DLG2: variants seen among roughly 807,000 people sequenced by gnomAD.
DLG2 encodes disks large homolog 2.
In DLG2, 45 loss-of-function variants were observed where a neutral mutation model predicts 132.5. The ratio of observed to expected loss-of-function variants is 0.34; its 90% CI spans 0.27 to 0.44. The LOEUF is 0.44. Among genes scored for constraint, DLG2 ranks in the 20% least tolerant of loss-of-function variants. DLG2 has a pLI of 1.00. For synonymous variants in DLG2, 424 were observed against 419.6 expected, an observed-to-expected ratio of 1.01 and a Z score of -0.13; for missense variants, 1,045 against 1,196.9, an observed-to-expected ratio of 0.87 and a Z score of 1.87.
At chr11:85,064,691 T>C in intron 6 of DLG2, among the ~76,000 whole-genome samples, 1 of 151,698 alleles carries the variant, frequency 6.6e-6, no homozygotes. Flanking sequence ...TTTGAAGGTA[T>C]TTTTTACATA....
chr11:84,273,033 G>T, intron 7 of DLG2: 1 of 915,304 alleles, frequency 1.1e-6, no homozygotes, highest in Non-Finnish European at 1.5e-6. Context: ...GAACTACAGA[G>T]AAAATAACTA....
chr11:84,645,431 G>A (rs2099673512), intron 6 of DLG2, among the ~76,000 whole-genome samples: 1 of 152,054 alleles, frequency 6.6e-6, no homozygotes, highest in Admixed American at 6.6e-5. Flanking sequence ...TCGAACACAA[G>A]GATAAGCTAT....
At chr11:84,760,079 G>A (rs796287364) in intron 6 of DLG2, among the ~76,000 whole-genome samples, 88 of 152,240 alleles carry the variant, frequency 5.8e-4, no homozygotes, top group African/African-American at 2.0e-3. Context: ...TCCTAATGCA[G>A]CATTTTATAA....
intron 17 of DLG2, among the ~76,000 whole-genome samples, chr11:83,788,180 A>T (rs1211368694): frequency 6.6e-6 from 1 of 152,216 alleles, no homozygotes; most frequent in Non-Finnish European, 1.5e-5. Context: ...TTTGAGAATG[A>T]CATTGGGTGG....
chr11:84,902,758 T>G (rs1388439901), intron 6 of DLG2, among the ~76,000 whole-genome samples: 2 of 152,152 alleles, frequency 1.3e-5, no homozygotes, highest in African/African-American at 4.8e-5. Context: ...ACTCAACACG[T>G]GCAAACTGTT....
intron 3 of DLG2, among the ~76,000 whole-genome samples, chr11:85,407,678 C>T (rs575762696): frequency 6.6e-6 from 1 of 151,878 alleles, no homozygotes; most frequent in South Asian, 2.1e-4. Context: ...CCAACTACTG[C>T]AGTGGACAGC....
At chr11:84,699,651 C>T (rs1364544177) in intron 6 of DLG2, among the ~76,000 whole-genome samples, 1 of 151,498 alleles carries the variant, frequency 6.6e-6, no homozygotes, top group Non-Finnish European at 1.5e-5. Context: ...AAAAAACTTG[C>T]TTTCTAACTC....
At chr11:85,420,572 G>T (rs188509980) in intron 3 of DLG2, among the ~76,000 whole-genome samples, 1 of 152,298 alleles carries the variant, frequency 6.6e-6, no homozygotes, top group East Asian at 1.9e-4. Context: ...GGAGATGGGA[G>T]TTTTACCTAT....
intron 5 of DLG2, among the ~76,000 whole-genome samples, chr11:85,125,290 T>C (rs1483216323): frequency 6.6e-6 from 1 of 152,210 alleles, no homozygotes; most frequent in Non-Finnish European, 1.5e-5. Flanking sequence ...TGTGTTGTTT[T>C]TACTCACAGA....
At chr11:84,317,681 A>C (rs2098374867) in intron 7 of DLG2, among the ~76,000 whole-genome samples, 1 of 152,206 alleles carries the variant, frequency 6.6e-6, no homozygotes, top group Non-Finnish European at 1.5e-5. Context: ...GGGAAAGTTA[A>C]CCTGTAAAGG....
intron 7 of DLG2, among the ~76,000 whole-genome samples, chr11:84,402,657 C>T (rs1304659935): frequency 6.6e-6 from 1 of 151,774 alleles, no homozygotes; most frequent in Non-Finnish European, 1.5e-5. Context: ...CCGAGGCGGG[C>T]GGACCACGAG....
chr11:84,341,509 C>A (rs2098514538), intron 7 of DLG2, among the ~76,000 whole-genome samples: 1 of 152,122 alleles, frequency 6.6e-6, no homozygotes, highest in African/African-American at 2.4e-5. Context: ...TAAAAAATGG[C>A]ACTCCCTCCC....
At chr11:85,440,318 G>A (rs2091713256) in intron 3 of DLG2, among the ~76,000 whole-genome samples, 1 of 152,144 alleles carries the variant, frequency 6.6e-6, no homozygotes, top group African/African-American at 2.4e-5. Flanking sequence ...ATAGAACTAT[G>A]ATAAAGATTA....
chr11:85,179,660 G>C (rs533063566), intron 4 of DLG2, among the ~76,000 whole-genome samples: 2 of 151,842 alleles, frequency 1.3e-5, no homozygotes, highest in Non-Finnish European at 3.0e-5. Flanking sequence ...GGTACAAATG[G>C]GTGGGTGAAG....
At chr11:83,547,929 A>G (rs781488167) in intron 19 of DLG2, among the ~76,000 whole-genome samples, 4 of 152,184 alleles carry the variant, frequency 2.6e-5, no homozygotes, top group Non-Finnish European at 5.9e-5. Context: ...ACATGATAGA[A>G]GAAAACCTAG....
intron 3 of DLG2, among the ~76,000 whole-genome samples, chr11:85,294,752 C>A (rs376143455): frequency 2.0e-5 from 3 of 152,236 alleles, no homozygotes; most frequent in African/African-American, 7.2e-5. Flanking sequence ...GGAGTCACTT[C>A]TTCCATAAGA....
chr11:84,550,115 T>TAC (rs60598747), intron 6 of DLG2, among the ~76,000 whole-genome samples: 15,829 of 145,848 alleles, frequency 0.11, 913 homozygotes, highest in East Asian at 0.17. Flanking sequence ...AACGAGCCTA[T>TAC]ACACACACAC....
intron 2 of DLG2, among the ~76,000 whole-genome samples, chr11:85,599,273 C>T (rs1175433699): frequency 6.6e-6 from 1 of 152,106 alleles, no homozygotes; most frequent in East Asian, 1.9e-4. Flanking sequence ...CCTCTACACG[C>T]ATGCATGCGC....
chr11:83,660,337 CA>C (rs1299809910), intron 18 of DLG2, among the ~76,000 whole-genome samples: 3 of 152,194 alleles, frequency 2.0e-5, no homozygotes, highest in African/African-American at 7.2e-5. Context: ...ATGTGACCCA[CA>C]ATTATGTTCC....
Sources: allele counts gnomAD v4.1 joint callset (sites outside exome capture counted in the v4.1 genomes callset), GRCh38; gene constraint gnomAD v4.1.1; transcripts MANE v1.5; gene names NCBI Gene and HGNC (gene_info 2026-07-23, HGNC 2026-07-21).